The following GPHN variants were observed in gnomAD, a reference collection of about 807,000 sequenced individuals.
The protein encoded by GPHN is gephyrin.
GPHN carries 17 observed loss-of-function variants against 95.5 expected under a neutral mutation model. The ratio of observed to expected loss-of-function variants is 0.18; its 90% confidence interval spans 0.12 to 0.27. The LOEUF (loss-of-function observed/expected upper bound fraction) is 0.27, where lower values mean the gene tolerates loss of function less well. GPHN is among the 10% of genes least tolerant of loss of function. The pLI, the probability that GPHN is intolerant of heterozygous loss-of-function variation, is 1.00. For synonymous variants in GPHN, 320 were observed against 322.5 expected, an observed-to-expected ratio of 0.99 and a Z score of 0.08; for missense variants, 660 against 978.1, an observed-to-expected ratio of 0.67 and a Z score of 4.34.
the GPHN span, among the ~76,000 whole-genome samples, chr14:67,275,419 C>T: frequency 2.0e-5 from 3 of 152,078 alleles, no homozygotes; most frequent in East Asian, 3.8e-4. Flanking sequence ...TGCTGGATTA[C>T]GTTTATTGAT....
the GPHN span, chr14:67,581,164 C>A: frequency 6.2e-6 from 4 of 648,826 alleles, no homozygotes; most frequent in Non-Finnish European, 1.1e-5. Flanking sequence ...CACTGCCTGG[C>A]AGTCACTAGC....
At chr14:67,051,823 A>G (rs142839888) in intron 10 of GPHN, among the ~76,000 whole-genome samples, 1 of 152,362 alleles carries the variant, frequency 6.6e-6, no homozygotes, top group East Asian at 1.9e-4. Context: ...CTTAAAAGAA[A>G]GAATTTCCAA....
chr14:66,991,627 A>C (rs893822205), intron 9 of GPHN, among the ~76,000 whole-genome samples: 5 of 151,836 alleles, frequency 3.3e-5, no homozygotes, highest in Non-Finnish European at 7.4e-5. Flanking sequence ...TAGCAAAAAA[A>C]AAAAAAAATT....
the GPHN span, among the ~76,000 whole-genome samples, chr14:67,716,701 T>A: frequency 6.6e-6 from 1 of 152,118 alleles, no homozygotes; most frequent in Non-Finnish European, 1.5e-5. Flanking sequence ...CTGGTTAACA[T>A]GGTGAAACCC....
chr14:67,211,319 C>A, the GPHN span, among the ~76,000 whole-genome samples: 1 of 152,062 alleles, frequency 6.6e-6, no homozygotes, highest in African/African-American at 2.4e-5. Flanking sequence ...ACAAAAAAAA[C>A]CTAATGTAGA....
the GPHN span, among the ~76,000 whole-genome samples, chr14:67,350,037 T>C: frequency 6.6e-6 from 1 of 152,262 alleles, no homozygotes; most frequent in Non-Finnish European, 1.5e-5. Context: ...ATGCTTGCCT[T>C]ACCTATCTCA....
At chr14:67,210,620 A>G in the GPHN span, among the ~76,000 whole-genome samples, 1 of 152,108 alleles carries the variant, frequency 6.6e-6, no homozygotes. Flanking sequence ...AGATGTTTCT[A>G]TTAAACTTTC....
intron 3 of GPHN, among the ~76,000 whole-genome samples, chr14:66,815,577 A>G (rs530535811): frequency 6.6e-6 from 1 of 152,350 alleles, no homozygotes; most frequent in East Asian, 1.9e-4. Context: ...TCATAAGCAA[A>G]GGAGAAACAA....
the GPHN span, chr14:67,573,401 G>T: frequency 7.0e-7 from 1 of 1,425,680 alleles, no homozygotes; most frequent in Non-Finnish European, 9.9e-7. This position sits in a 1 kb window ranked among gnomAD's most constrained non-coding sequence, Gnocchi z 4.8. Context: ...GAGTCTCCCC[G>T]CCCAGCACTG....
chr14:66,611,436 T>C (rs145983923), intron 1 of GPHN, among the ~76,000 whole-genome samples: 1,846 of 152,270 alleles, frequency 0.012, 24 homozygotes, highest in Non-Finnish European at 0.018. Context: ...ATAGAAAATA[T>C]ACTCATTGCT....
At chr14:66,662,019 T>C (rs918803291) in intron 1 of GPHN, among the ~76,000 whole-genome samples, 1 of 152,210 alleles carries the variant, frequency 6.6e-6, no homozygotes, top group African/African-American at 2.4e-5. Flanking sequence ...GTTTGAAAAC[T>C]TCCTGGGACA....
At chr14:67,347,471 A>G in the GPHN span, 2 of 1,588,002 alleles carry the variant, frequency 1.3e-6, no homozygotes, top group African/African-American at 1.4e-5. Flanking sequence ...ACACAGAAGC[A>G]TACATGGATT....
At chr14:66,630,925 A>T (rs756154094) in intron 1 of GPHN, among the ~76,000 whole-genome samples, 15 of 151,422 alleles carry the variant, frequency 9.9e-5, no homozygotes, top group Non-Finnish European at 2.1e-4. Context: ...TTTTTTTCTT[A>T]CATTTTATGG....
chr14:66,745,536 T>G (rs2058108816), intron 2 of GPHN, among the ~76,000 whole-genome samples: 1 of 152,092 alleles, frequency 6.6e-6, no homozygotes, highest in South Asian at 2.1e-4. Flanking sequence ...TGAGGGATTA[T>G]AAATGATAAT....
At chr14:66,862,795 CA>C (rs1447596074) in intron 4 of GPHN, among the ~76,000 whole-genome samples, 1 of 151,908 alleles carries the variant, frequency 6.6e-6, no homozygotes, top group Non-Finnish European at 1.5e-5. Flanking sequence ...TAAAAATCCT[CA>C]AAAAAACTGG....
chr14:67,387,532 C>T, the GPHN span: 26 of 1,437,196 alleles, frequency 1.8e-5, no homozygotes, highest in Admixed American at 5.1e-4. Flanking sequence ...AGCAGAAAGT[C>T]AACTGAGACA....
Position 66,845,869 on chromosome 14 carries a change from G to A in GPHN, c.294+21303G>A, listed in dbSNP as rs1050992592. 5.9e-5 allele frequency among the ~76,000 whole-genome samples: 9 copies of A among 151,344 alleles called. No individual in the cohort carries two copies. The South Asian group carries it at 6.3e-4, about 11-fold the overall frequency. On this transcript the variant is annotated intron_variant, in intron 4 of 22. Transcript: ENST00000478722. ...TGTGTGTGTGTGTGTGTCTGTGTGCGTGCGCACACGTGAACGTGTGTCTGT... is the reference window on the plus strand; with the variant it reads ...TGTGTGTGTGTGTGTGTCTGTGTGCATGCGCACACGTGAACGTGTGTCTGT...
intron 5 of GPHN, among the ~76,000 whole-genome samples, chr14:66,912,429 T>G (rs1243049974): frequency 6.6e-6 from 1 of 152,158 alleles, no homozygotes; most frequent in Admixed American, 6.6e-5. Flanking sequence ...TTGCTTAATA[T>G]ACATTTACAT....
intron 1 of GPHN, among the ~76,000 whole-genome samples, chr14:66,627,578 A>G (rs1415296590): frequency 6.6e-6 from 1 of 152,080 alleles, no homozygotes; most frequent in Non-Finnish European, 1.5e-5. Context: ...TAGGTATAGA[A>G]TGGCCAGCAT....
Sources: allele counts gnomAD v4.1 joint callset (sites outside exome capture counted in the v4.1 genomes callset), GRCh38; gene constraint gnomAD v4.1.1; non-coding constraint Gnocchi (gnomAD v3.1); transcripts MANE v1.5; gene names NCBI Gene and HGNC (gene_info 2026-07-23, HGNC 2026-07-21).